TRAK1: variants seen among roughly 807,000 people sequenced by gnomAD.
The protein encoded by TRAK1 is trafficking kinesin protein 1.
TRAK1 carries 33 observed loss-of-function variants against 92.1 expected under a neutral mutation model. That is an observed-to-expected ratio of 0.36 (90% confidence interval 0.27 to 0.48). The LOEUF (loss-of-function observed/expected upper bound fraction) is 0.48. Among genes scored for constraint, TRAK1 ranks in the 20% least tolerant of loss-of-function variants. The probability of loss-of-function intolerance (pLI) is 0.99; values close to 1 mark genes in which losing one functional copy is unlikely to be tolerated. For synonymous variants in TRAK1, 521 were observed against 517.3 expected (o/e 1.01, Z -0.10); for missense variants, 1,123 against 1,257.9 (o/e 0.89, Z 1.62).
intron 14 of TRAK1, chr3:42,211,751 C>G: frequency 1.0e-6 from 1 of 985,402 alleles, no homozygotes; most frequent in Non-Finnish European, 1.2e-6. Flanking sequence ...ATTATGAGGA[C>G]TGACATCCTG....
At chr3:42,203,812 T>C in intron 13 of TRAK1, 1 of 852,938 alleles carries the variant, frequency 1.2e-6, no homozygotes, top group Non-Finnish European at 1.4e-6. Context: ...TTATGTACTA[T>C]ATGTATATAC....
chr3:42,180,659 A>G (rs574443287), intron 3 of TRAK1, among the ~76,000 whole-genome samples: 1 of 145,090 alleles, frequency 6.9e-6, no homozygotes, highest in Admixed American at 7.0e-5. Flanking sequence ...GGCCTAGGCG[A>G]TAGAGTGAGA....
intron 2 of TRAK1, among the ~76,000 whole-genome samples, chr3:42,137,594 C>G (rs771409212): frequency 2.0e-5 from 3 of 152,180 alleles, no homozygotes; most frequent in Non-Finnish European, 2.9e-5. Flanking sequence ...AAGAGATCAA[C>G]TTCTCAAACT....
In TRAK1 at chr3:42,219,486, C is replaced by T; in HGVS notation, c.1964-8C>T. ...TGCAAGGAATATGTTTTGTTCCTCCCAATTTAGCGCACCATCCTGGGAAGT... is the reference window on the plus strand; with the variant it reads ...TGCAAGGAATATGTTTTGTTCCTCCTAATTTAGCGCACCATCCTGGGAAGT... On this transcript the variant is annotated splice_polypyrimidine_tract_variant and splice_region_variant and intron_variant, in intron 14 of 15. Coordinates refer to ENST00000327628, the MANE Select transcript of TRAK1 (RefSeq NM_001042646.3). The T allele has an allele frequency of 6.2e-7, 1 of 1,613,922 alleles. No homozygotes were observed. Among genetic ancestry groups the T allele is most frequent in the Non-Finnish European group, 8.5e-7 (1 of 1,179,938 alleles).
Position 42,223,452 on chromosome 3 carries a change from G to A in TRAK1, c.2577G>A (p.Gly859=). 1 of 1,613,986 alleles carries A rather than the reference G, an allele frequency of 6.2e-7. No homozygotes were observed. The stretch of plus-strand genomic sequence containing the variant: ...GGGTGGCCAAAGTGGTGAACTCAGG[G>A]CGAGCCCATGTCCCCACCTTGACTG... ...RFGVAKVVNS[G]RAHVPTLTEE... is the part of the protein sequence containing the mutation. The change falls in exon 16 of 16, where the codon GGG becomes GGA. Residue 859 remains glycine (G), a synonymous_variant. Transcript: ENST00000327628. This position sits in a 1 kb window ranked among gnomAD's most constrained non-coding sequence, Gnocchi z 6.1.
chr3:42,067,337 T>A (rs1439047634), intron 1 of TRAK1, among the ~76,000 whole-genome samples: 1 of 152,230 alleles, frequency 6.6e-6, no homozygotes, highest in Non-Finnish European at 1.5e-5. Flanking sequence ...ACATTTTTTA[T>A]TAAAAAGAAC....
At chr3:42,193,320 C>A in intron 8 of TRAK1, 115 bp downstream of exon 8, 1 of 1,432,224 alleles carries the variant, frequency 7.0e-7, no homozygotes, top group Non-Finnish European at 9.3e-7. Context: ...GTTCGTGTTG[C>A]CGCTTTGCAG....
chr3:42,195,467 ACT>A (rs1209396364), intron 10 of TRAK1, among the ~76,000 whole-genome samples: 2 of 151,952 alleles, frequency 1.3e-5, no homozygotes, highest in African/African-American at 4.8e-5. Context: ...TTTGAGAGAA[ACT>A]CCCCCAAGTG....
At chr3:42,139,512 G>A (rs1045317747) in intron 2 of TRAK1, among the ~76,000 whole-genome samples, 1 of 152,094 alleles carries the variant, frequency 6.6e-6, no homozygotes, top group African/African-American at 2.4e-5. Flanking sequence ...TCATACCAGG[G>A]TGCACGACAG....
chr3:42,216,240 A>G (rs1319303412), intron 14 of TRAK1, among the ~76,000 whole-genome samples: 2 of 152,156 alleles, frequency 1.3e-5, no homozygotes, highest in East Asian at 3.9e-4. Context: ...AGGCCCGAGC[A>G]GCAGCCACCC....
At chr3:42,047,534 G>T (rs1559720937) in intron 1 of TRAK1, among the ~76,000 whole-genome samples, 1 of 138,178 alleles carries the variant, frequency 7.2e-6, no homozygotes, top group Non-Finnish European at 1.6e-5. Context: ...GATCTGAAAA[G>T]TAGAAAAGTG....
intron 1 of TRAK1, among the ~76,000 whole-genome samples, chr3:42,065,909 C>G (rs1297786175): frequency 6.6e-6 from 1 of 152,182 alleles, no homozygotes; most frequent in East Asian, 1.9e-4. Flanking sequence ...GGATTATAGG[C>G]TTGAGCCACC....
intron 1 of TRAK1, among the ~76,000 whole-genome samples, chr3:42,111,520 C>T (rs1408964828): frequency 2.6e-5 from 4 of 152,028 alleles, no homozygotes; most frequent in African/African-American, 4.8e-5. Flanking sequence ...CTCAGCCTCC[C>T]GAGTAGCTGG....
intron 1 of TRAK1, among the ~76,000 whole-genome samples, chr3:42,049,236 G>A (rs1702886941): frequency 6.6e-6 from 1 of 152,142 alleles, no homozygotes; most frequent in Non-Finnish European, 1.5e-5. Context: ...GGAATTCTAG[G>A]TTGAAATAAT....
intron 5 of TRAK1, 63 bp downstream of exon 5, chr3:42,188,208 T>C: frequency 1.3e-5 from 19 of 1,515,992 alleles, no homozygotes; most frequent in Non-Finnish European, 1.7e-5. Flanking sequence ...GTTGATGTCC[T>C]TGGAGTCACC....
chr3:42,150,932 A>G (rs1370331034), intron 2 of TRAK1, among the ~76,000 whole-genome samples: 1 of 152,202 alleles, frequency 6.6e-6, no homozygotes, highest in African/African-American at 2.4e-5. Context: ...GCAAGTTCCC[A>G]TTCTGTTACC....
intron 2 of TRAK1, chr3:42,151,280 G>T (rs1238319709): frequency 1.1e-5 from 5 of 450,076 alleles, no homozygotes; most frequent in Non-Finnish European, 2.2e-5. Flanking sequence ...AATCTGGAGG[G>T]TGAGCGGAGG....
chr3:42,035,205 G>A lies in TRAK1; in HGVS notation c.-519+21088G>A, dbSNP rs117664868. ...ACCCTCATTCTTTCCTTCTGGAAAT[G>A]CTGTTTCCCTTGGCTTCTGGGAAGC... is the stretch of plus-strand genomic sequence containing the variant. On this transcript the variant is annotated intron_variant, in intron 1 of 16. Coordinates refer to the TRAK1 transcript ENST00000487159. Among the ~76,000 whole-genome samples, 654 of 152,254 alleles carry A rather than the reference G, an allele frequency of 4.3e-3. 10 individuals are homozygous for A. The East Asian group carries it at 0.066, about 15-fold the overall frequency.
At chr3:42,208,914 G>T (rs1289682786) in intron 13 of TRAK1, among the ~76,000 whole-genome samples, 1 of 152,200 alleles carries the variant, frequency 6.6e-6, no homozygotes, top group African/African-American at 2.4e-5. Context: ...ATGCCCCTCA[G>T]TAAAAACACT....
Sources: gnomAD v4.1 joint callset for allele counts (sites outside exome capture counted in the v4.1 genomes callset) on GRCh38, gnomAD v4.1.1 for gene constraint, Gnocchi (gnomAD v3.1) non-coding constraint, MANE v1.5 for transcripts, NCBI Gene and HGNC (gene_info 2026-07-23, HGNC 2026-07-21) for gene names.